PTBP3: variants seen among roughly 807,000 people sequenced by gnomAD.
PTBP3 encodes polypyrimidine tract-binding protein 3.
A neutral mutation model predicts 58.7 loss-of-function variants in PTBP3; 20 were observed. The ratio of observed to expected loss-of-function variants is 0.34; its 90% CI spans 0.24 to 0.50. PTBP3 has a LOEUF of 0.50. PTBP3 is among the 20% of genes least tolerant of loss of function. The pLI is 0.98. For missense variants in PTBP3, 509 were observed against 637.2 expected (o/e 0.80, Z 2.17); for synonymous variants, 185 against 219.8 (o/e 0.84, Z 1.40).
chr9:112,334,971 T>A (rs1176631795), upstream of PTBP3, among the ~76,000 whole-genome samples: 2 of 152,228 alleles, frequency 1.3e-5, no homozygotes, highest in East Asian at 1.9e-4. Flanking sequence ...GTATATTAAA[T>A]CTAAATATTA....
At chr9:112,320,352 T>A (rs1308539487) in intron 1 of PTBP3, among the ~76,000 whole-genome samples, 3 of 135,534 alleles carry the variant, frequency 2.2e-5, no homozygotes, top group Middle Eastern at 3.7e-3. Flanking sequence ...AAATGATAAG[T>A]GACAATGCAT....
At chr9:112,325,239 C>T (rs760929135) in intron 1 of PTBP3, among the ~76,000 whole-genome samples, 6 of 152,188 alleles carry the variant, frequency 3.9e-5, no homozygotes, top group Non-Finnish European at 5.9e-5. Flanking sequence ...TGCCTAAATA[C>T]GCCCACAGTG....
the PTBP3 span, among the ~76,000 whole-genome samples, chr9:112,376,831 T>C: frequency 3.3e-5 from 5 of 152,184 alleles, no homozygotes; most frequent in Non-Finnish European, 7.3e-5. Flanking sequence ...ACTCAAATGT[T>C]AATGTCCTTT....
chr9:112,356,255 A>T, the PTBP3 span, among the ~76,000 whole-genome samples: 2 of 152,146 alleles, frequency 1.3e-5, no homozygotes, highest in African/African-American at 4.8e-5. Flanking sequence ...CTGAGATTAC[A>T]GGTGTGAGCC....
chr9:112,237,245 C>CA (rs1416931639), intron 7 of PTBP3, among the ~76,000 whole-genome samples: 2 of 152,104 alleles, frequency 1.3e-5, no homozygotes, highest in African/African-American at 4.8e-5. Flanking sequence ...ATATAATCCA[C>CA]ACTCCCTAAA....
chr9:112,319,486 A>T (rs1485439938), intron 1 of PTBP3, among the ~76,000 whole-genome samples: 1 of 152,372 alleles, frequency 6.6e-6, no homozygotes, highest in East Asian at 1.9e-4. Flanking sequence ...AGACACTACA[A>T]ATTAAAACCA....
chr9:112,329,348 G>C (rs1272978682), intron 1 of PTBP3, among the ~76,000 whole-genome samples: 4 of 152,118 alleles, frequency 2.6e-5, no homozygotes, highest in Non-Finnish European at 1.5e-5. Flanking sequence ...CTTTGAAGGT[G>C]GAGGTTGTAG....
intron 5 of PTBP3, among the ~76,000 whole-genome samples, chr9:112,259,030 C>T (rs1836486031): frequency 6.6e-6 from 1 of 152,144 alleles, no homozygotes; most frequent in South Asian, 2.1e-4. Context: ...TGGTTCAATG[C>T]AACCTCCACC....
chr9:112,379,368 G>C, the PTBP3 span, among the ~76,000 whole-genome samples: 3 of 152,218 alleles, frequency 2.0e-5, no homozygotes, highest in African/African-American at 4.8e-5. Context: ...AGCTGAGTTA[G>C]TCCAAGGCAT....
chr9:112,251,024 T>C lies in PTBP3; in HGVS notation c.707A>G (p.Lys236Arg), dbSNP rs1381074244. 6.2e-6 allele frequency: 10 copies of C among 1,612,292 alleles called. No homozygotes were observed. Among genetic ancestry groups the C allele is most frequent in the Non-Finnish European group, 7.6e-6 (9 of 1,179,154 alleles). The change falls in exon 7 of 14, where the codon AAA becomes AGA. Residue 236 changes from lysine to arginine, a missense_variant. Coordinates refer to ENST00000374257, the MANE Select transcript of PTBP3 (RefSeq NM_001163788.4). Reference sequence around the variant, plus strand: ...GTCTCTGCTTTTGTCATTATTATATTTCACATTAAGGCTGGTGAGCTTGGA... The same window carrying C: ...GTCTCTGCTTTTGTCATTATTATATCTCACATTAAGGCTGGTGAGCTTGGA... Reference protein sequence around the residue: ...DFSKLTSLNVKYNNDKSRDFT... With the variant: ...DFSKLTSLNVRYNNDKSRDFT...
chr9:112,244,448 A>C (rs889233487), intron 7 of PTBP3, among the ~76,000 whole-genome samples: 6 of 151,872 alleles, frequency 4.0e-5, no homozygotes, highest in African/African-American at 1.5e-4. Flanking sequence ...CAGAGTTTGG[A>C]GGATCACTTG....
chr9:112,331,164 A>T (rs970033925), intron 1 of PTBP3, among the ~76,000 whole-genome samples: 1 of 151,978 alleles, frequency 6.6e-6, no homozygotes, highest in Non-Finnish European at 1.5e-5. Context: ...CTAGAAAGAT[A>T]TGTTGACTGG....
At chr9:112,340,210 A>G in the PTBP3 span, among the ~76,000 whole-genome samples, 1 of 152,308 alleles carries the variant, frequency 6.6e-6, no homozygotes, top group Admixed American at 6.5e-5. Flanking sequence ...TTAATTGAAC[A>G]TGTGAAACAG....
At chr9:112,322,450 C>G (rs960933558) in intron 1 of PTBP3, among the ~76,000 whole-genome samples, 6 of 152,136 alleles carry the variant, frequency 3.9e-5, no homozygotes, top group Admixed American at 3.3e-4. Flanking sequence ...ATGCTTCTCT[C>G]CCCAACACCT....
At chr9:112,321,279 C>G (rs1429029877) in intron 1 of PTBP3, among the ~76,000 whole-genome samples, 1 of 152,024 alleles carries the variant, frequency 6.6e-6, no homozygotes, top group Non-Finnish European at 1.5e-5. Context: ...TACCTGTAAT[C>G]CAGCACTTTG....
At chr9:112,227,719 G>T in intron 11 of PTBP3, 92 bp from the exon 12 acceptor site, 2 of 1,004,640 alleles carry the variant, frequency 2.0e-6, no homozygotes, top group Non-Finnish European at 1.5e-6. Context: ...TTTTTATGTA[G>T]TTATTTAAAA....
At chr9:112,296,324 C>T (rs747110355) in intron 2 of PTBP3, among the ~76,000 whole-genome samples, 3 of 151,926 alleles carry the variant, frequency 2.0e-5, no homozygotes, top group Non-Finnish European at 2.9e-5. Context: ...GTCACAATTT[C>T]GTACCATTGT....
At chr9:112,318,909 C>G (rs10732371) in intron 1 of PTBP3, among the ~76,000 whole-genome samples, 74,093 of 151,914 alleles carry the variant, frequency 0.49, 18,447 homozygotes, top group African/African-American at 0.59. Flanking sequence ...GGGCAGATCA[C>G]CTGAGGTCGG....
At chr9:112,226,144 G>A (rs1834981154) in intron 12 of PTBP3, among the ~76,000 whole-genome samples, 1 of 151,666 alleles carries the variant, frequency 6.6e-6, no homozygotes, top group African/African-American at 2.4e-5. Flanking sequence ...CCACAGTAAT[G>A]AGCTGCTAAA....
Sources: allele counts gnomAD v4.1 joint callset (sites outside exome capture counted in the v4.1 genomes callset), GRCh38; gene constraint gnomAD v4.1.1; transcripts MANE v1.5; gene names NCBI Gene and HGNC (gene_info 2026-07-23, HGNC 2026-07-21).